CERS1: variants seen among roughly 807,000 people sequenced by gnomAD.
CERS1 encodes the protein ceramide synthase 1, also known as Embryonic growth/differentiation factor 1.
CERS1 carries 16 observed loss-of-function variants against 35.7 expected under a neutral mutation model. That is an observed-to-expected ratio of 0.45 (90% CI 0.30 to 0.68). CERS1 has a LOEUF of 0.68. Ranked by LOEUF, CERS1 falls within the 30% of genes least tolerant of loss-of-function variation. The pLI is 0.08. For missense variants in CERS1, 454 were observed against 453.9 expected (o/e 1.00, Z 0.00); for synonymous variants, 243 against 201.6 (o/e 1.21, Z -1.74).
chr19:18,869,143 C>A lies in CERS1; in HGVS notation c.*842G>T. ...CCAGCAGCTCCGCGCGCACTGGCGG[C>A]CCCAGGGCGGGCACCAACTGGCGGA... On this transcript the variant is annotated 3_prime_UTR_variant, in exon 8 of 8. Coordinates refer to ENST00000623882, the MANE Select transcript of CERS1 (RefSeq NM_021267.5). The A allele has an allele frequency of 1.8e-6, 2 of 1,114,176 alleles. No individual in the cohort carries two copies. Among genetic ancestry groups the A allele is most frequent in the Non-Finnish European group, 2.2e-6 (2 of 912,054 alleles). 69.0% of individuals were successfully genotyped at this position (1,114,176 alleles called of 1,614,324 possible).
At position 18,884,150 on chromosome 19, in the gene CERS1, G is replaced by C. The variant is rs555889038; in HGVS notation, c.527C>G (p.Ser176Trp). Reference protein sequence around the residue: ...TLYMDTWRKDSVVMLLHHVVT... With the variant: ...TLYMDTWRKDWVVMLLHHVVT... Reference sequence around the variant, plus strand: ...CACGTGGTGGAGCAGCATGACCACCGAGTCCTTGCGCCAGGTGTCCATGTA... The same window carrying C: ...CACGTGGTGGAGCAGCATGACCACCCAGTCCTTGCGCCAGGTGTCCATGTA... Residue 176 changes from serine (S) to tryptophan (W), a missense_variant, in exon 3 of 8, where the codon TCG becomes TGG. Ser to Trp is a radical substitution (Grantham distance 177). Transcript: ENST00000623882. 1.2e-5 allele frequency: 19 copies of C among 1,613,758 alleles called. 1 individual carries two copies. In the Middle Eastern group the frequency reaches 2.3e-3, roughly 196 times the overall value.
intron 6 of CERS1, among the ~76,000 whole-genome samples, chr19:18,872,171 GC>G (rs2055982071): frequency 1.3e-5 from 2 of 152,210 alleles, no homozygotes; most frequent in South Asian, 4.1e-4. Flanking sequence ...GGTGATGGGT[GC>G]CCCCGCCCTG....
intron 2 of CERS1, among the ~76,000 whole-genome samples, chr19:18,886,763 G>A (rs972001322): frequency 5.3e-5 from 8 of 151,990 alleles, no homozygotes; most frequent in Non-Finnish European, 1.2e-4. Context: ...GCCTCCAGAT[G>A]CCCCATGAAC....
chr19:18,869,165 C>T lies in CERS1; in HGVS notation c.*820G>A. The T allele has an allele frequency of 3.5e-6, 4 of 1,137,696 alleles. No individual in the cohort carries two copies. Among genetic ancestry groups the T allele is most frequent in the Non-Finnish European group, 4.3e-6 (4 of 927,524 alleles). 70.5% of individuals were successfully genotyped at this position (1,137,696 alleles called of 1,614,324 possible). Reference sequence around the variant, plus strand: ...CGGCCCCAGGGCGGGCACCAACTGGCGGAGCAGCACCGGCCCGGGGTCCGC... The same window carrying T: ...CGGCCCCAGGGCGGGCACCAACTGGTGGAGCAGCACCGGCCCGGGGTCCGC... On this transcript the variant is annotated 3_prime_UTR_variant, in exon 8 of 8. Coordinates refer to ENST00000623882, the MANE Select transcript of CERS1 (RefSeq NM_021267.5).
chr19:18,870,071 C>T lies in CERS1; in HGVS notation c.*506G>A, dbSNP rs1333330439. 6 of 1,582,920 alleles carry T rather than the reference C, an allele frequency of 3.8e-6. No individual in the cohort carries two copies. The highest frequency in any genetic ancestry group is 2.3e-5 in the South Asian group (2 of 87,770). On this transcript the variant is annotated 3_prime_UTR_variant, in exon 7 of 8. Transcript: ENST00000623882. The surrounding 1 kb of genome is among the most constrained non-coding windows in gnomAD (Gnocchi z 5.1). ...GCAGGGTGACCCCTGGGGACGTCCGCCGCGAGCCAGACCTGGTCTCCTGGG... is the reference window on the plus strand; with the variant it reads ...GCAGGGTGACCCCTGGGGACGTCCGTCGCGAGCCAGACCTGGTCTCCTGGG...
chr19:18,889,463 C>A (rs1568305326), intron 2 of CERS1, among the ~76,000 whole-genome samples: 1 of 152,128 alleles, frequency 6.6e-6, no homozygotes, highest in East Asian at 1.9e-4. Context: ...GTCAACCTGG[C>A]TGGAATGTAG....
At position 18,895,779 on chromosome 19, in the gene CERS1, C is replaced by A; in HGVS notation, c.249+45G>T. On this transcript the variant is annotated intron_variant, in intron 1 of 7. Transcript: ENST00000623882. This position sits in a 1 kb window ranked among gnomAD's most constrained non-coding sequence, Gnocchi z 6.4. ...GGCCCCAGGTCCCCGGTCCCGGCTTCCCCCAGTCCGGGGTCCCCTCGTCCC... is the reference window on the plus strand; with the variant it reads ...GGCCCCAGGTCCCCGGTCCCGGCTTACCCCAGTCCGGGGTCCCCTCGTCCC... 1 of 1,095,910 alleles carries A rather than the reference C, an allele frequency of 9.1e-7. No homozygotes were observed. The highest frequency in any genetic ancestry group is 4.1e-5 in the East Asian group (1 of 24,256). The allele number at this position is 1,095,910 out of a possible 1,614,324, so 67.9% of individuals were successfully genotyped here.
intron 2 of CERS1, among the ~76,000 whole-genome samples, chr19:18,891,671 G>A (rs1438319395): frequency 6.6e-6 from 1 of 151,954 alleles, no homozygotes; most frequent in Admixed American, 6.6e-5. Flanking sequence ...TCCACCTACC[G>A]GGTTCAAGCA....
Position 18,895,876 on chromosome 19 carries a change from C to T in CERS1, c.197G>A (p.Gly66Asp), listed in dbSNP as rs1281696639. ...APPELLLLAL[G>D]ALGWTALRSA... The stretch of plus-strand genomic sequence containing the variant: ...GCGCAGGGCGGTCCAGCCCAGCGCG[C>T]CGAGCGCCAGCAGCAGCAGCTCGGG... The change falls in exon 1 of 8, where the codon GGC becomes GAC. Residue 66 changes from glycine to aspartate, a missense_variant. Gly to Asp is a moderately conservative substitution (Grantham distance 94). Transcript: ENST00000623882. This position sits in a 1 kb window ranked among gnomAD's most constrained non-coding sequence, Gnocchi z 6.4. The T allele has an allele frequency of 1.6e-6, 2 of 1,284,748 alleles. No individual in the cohort carries two copies. Among genetic ancestry groups the T allele is most frequent in the South Asian group, 2.1e-5 (1 of 47,600 alleles). The allele number at this position is 1,284,748 out of a possible 1,614,324, so 79.6% of individuals were successfully genotyped here.
At chr19:18,883,763 T>C (rs2056274962) in intron 3 of CERS1, among the ~76,000 whole-genome samples, 1 of 151,740 alleles carries the variant, frequency 6.6e-6, no homozygotes. Context: ...CAGGAACTCC[T>C]GGGTGTGTGA....
In CERS1 at chr19:18,895,916, C is replaced by G; in HGVS notation, c.157G>C (p.Ala53Pro). 1.6e-6 allele frequency: 2 copies of G among 1,237,152 alleles called. No homozygotes were observed. Among genetic ancestry groups the G allele is most frequent in the South Asian group, 4.6e-5 (2 of 43,134 alleles). The allele number at this position is 1,237,152 out of a possible 1,614,324, so 76.6% of individuals were successfully genotyped here. A position where few individuals can be genotyped will look rare whatever the true frequency, so the allele number is the denominator to read the frequency against. Residue 53 changes from alanine to proline, a missense_variant, in exon 1 of 8, where the codon GCG becomes CCG. Transcript: ENST00000623882. The surrounding 1 kb of genome is among the most constrained non-coding windows in gnomAD (Gnocchi z 6.4). ...GLARRGLAEH[A>P]HLAPPELLLL... ...AGCAGCTCGGGCGGCGCCAGGTGCG[C>G]GTGCTCAGCCAGGCCGCGACGCGCC... is the stretch of plus-strand genomic sequence containing the variant.
At chr19:18,881,405 A>C (rs2056204617) in intron 3 of CERS1, among the ~76,000 whole-genome samples, 1 of 151,774 alleles carries the variant, frequency 6.6e-6, no homozygotes, top group Admixed American at 6.6e-5. Context: ...TTTTTAGTAG[A>C]GACGGGGTTT....
intron 6 of CERS1, among the ~76,000 whole-genome samples, chr19:18,871,180 C>A (rs1568292544): frequency 6.6e-6 from 1 of 151,874 alleles, no homozygotes; most frequent in African/African-American, 2.4e-5. Context: ...ACCTCAGCCT[C>A]CAGAGTAGCT....
chr19:18,889,119 C>T (rs1291578612), intron 2 of CERS1, among the ~76,000 whole-genome samples: 6 of 151,948 alleles, frequency 3.9e-5, no homozygotes, highest in Admixed American at 6.6e-5. Context: ...CTGGAACTCC[C>T]GGCCTCAAGT....
chr19:18,868,726 TC>T lies in CERS1; in HGVS notation c.*1258del. 6.5e-7 allele frequency: 1 copy of T among 1,537,894 alleles called. No homozygotes were observed. Among genetic ancestry groups the T allele is most frequent in the Non-Finnish European group, 8.8e-7 (1 of 1,139,334 alleles). On this transcript the variant is annotated 3_prime_UTR_variant, in exon 8 of 8. Transcript: ENST00000623882. Reference sequence around the variant, plus strand: ...GCACGCAGCAGGGCAGGTCGGCGGCTCCCGGGGCGGCCGCGTGCATGAGCGC... The same window carrying T: ...GCACGCAGCAGGGCAGGTCGGCGGCTCCGGGGCGGCCGCGTGCATGAGCGC...
chr19:18,876,536 T>TTG (rs60266196), intron 6 of CERS1, among the ~76,000 whole-genome samples: 97,727 of 143,064 alleles, frequency 0.68, 33,673 homozygotes, highest in Non-Finnish European at 0.74. Context: ...TTTGATTGGG[T>TTG]TGTGTGTGTG....
At chr19:18,871,486 T>C (rs1295419933) in intron 6 of CERS1, among the ~76,000 whole-genome samples, 1 of 152,030 alleles carries the variant, frequency 6.6e-6, no homozygotes, top group Admixed American at 6.6e-5. Flanking sequence ...CCTCCCAAAG[T>C]GCTGGGATTA....
rs1452075582 is a variant in CERS1, at chr19:18,868,745, A to G, written c.*1240T>C. The G allele has an allele frequency of 7.2e-6, 11 of 1,524,016 alleles. No individual in the cohort carries two copies. The highest frequency in any genetic ancestry group is 6.0e-5 in the Admixed American group (3 of 49,606). The allele number at this position is 1,524,016 out of a possible 1,614,324, so 94.4% of individuals were successfully genotyped here. A position where few individuals can be genotyped will look rare whatever the true frequency, so the allele number is the denominator to read the frequency against. On this transcript the variant is annotated 3_prime_UTR_variant, in exon 8 of 8. Coordinates refer to ENST00000623882, the MANE Select transcript of CERS1 (RefSeq NM_021267.5). ...GGCGGCTCCCGGGGCGGCCGCGTGC[A>G]TGAGCGCGCGCAGCACAGCGTGGTT...
intron 3 of CERS1, 88 bp downstream of exon 3, chr19:18,883,999 C>T (rs1263823071): frequency 4.3e-6 from 6 of 1,394,722 alleles, no homozygotes; most frequent in East Asian, 2.5e-5. Context: ...ATCCCCTCCA[C>T]GGCCTCCTCT....
Sources: gnomAD v4.1 joint callset for allele counts (sites outside exome capture counted in the v4.1 genomes callset) on GRCh38, gnomAD v4.1.1 for gene constraint, Gnocchi (gnomAD v3.1) non-coding constraint, MANE v1.5 for transcripts, NCBI Gene and HGNC (gene_info 2026-07-23, HGNC 2026-07-21) for gene names.